TTC6: variants seen among roughly 807,000 people sequenced by gnomAD.
TTC6 encodes the protein tetratricopeptide repeat protein 6.
In TTC6, 172 loss-of-function variants were observed where a neutral mutation model predicts 210.4. The observed-to-expected ratio is 0.82, with a 90% CI of 0.72 to 0.93. The LOEUF (loss-of-function observed/expected upper bound fraction) is 0.93, where lower values mean the gene tolerates loss of function less well. Among genes scored for constraint, TTC6 ranks in the 40% least tolerant of loss-of-function variants. The probability of loss-of-function intolerance (pLI) is 0.00; values close to 1 mark genes in which losing one functional copy is unlikely to be tolerated. For missense variants in TTC6, 2,414 were observed against 2,318.1 expected (o/e 1.04, Z -0.85); for synonymous variants, 804 against 819.6 (o/e 0.98, Z 0.32).
At chr14:37,784,214 A>G (rs547973536) in intron 14 of TTC6, among the ~76,000 whole-genome samples, 3 of 152,146 alleles carry the variant, frequency 2.0e-5, no homozygotes, top group Admixed American at 1.3e-4. Flanking sequence ...TAATGTTGAC[A>G]GTGGGGTGTT....
intron 10 of TTC6, among the ~76,000 whole-genome samples, chr14:37,740,420 A>C (rs1016730431): frequency 6.6e-6 from 1 of 152,224 alleles, no homozygotes; most frequent in Admixed American, 6.5e-5. Flanking sequence ...ATCCCCAGAC[A>C]TCACAAAATT....
intron 1 of TTC6, among the ~76,000 whole-genome samples, chr14:37,624,348 C>G (rs749772208): frequency 5.9e-5 from 9 of 152,128 alleles, no homozygotes; most frequent in Non-Finnish European, 1.3e-4. Context: ...AGAGCCTTAG[C>G]AAAGAGAAGA....
chr14:37,705,338 T>C (rs1464182109), intron 5 of TTC6, among the ~76,000 whole-genome samples: 4 of 152,100 alleles, frequency 2.6e-5, no homozygotes, highest in Non-Finnish European at 5.9e-5. Context: ...TTGATTATTT[T>C]TTTACAAAAA....
chr14:37,685,823 G>C (rs2095792650), intron 3 of TTC6, among the ~76,000 whole-genome samples: 1 of 152,158 alleles, frequency 6.6e-6, no homozygotes, highest in Non-Finnish European at 1.5e-5. Flanking sequence ...AATGCCTGGA[G>C]AGTGGCAACT....
At chr14:37,805,416 G>C (rs1164753365) in intron 21 of TTC6, among the ~76,000 whole-genome samples, 5 of 146,412 alleles carry the variant, frequency 3.4e-5, no homozygotes, top group Admixed American at 6.8e-5. Context: ...TCTATCTCAA[G>C]ACACACACAC....
At chr14:37,644,636 GC>G (rs2095698344) in intron 1 of TTC6, among the ~76,000 whole-genome samples, 1 of 152,172 alleles carries the variant, frequency 6.6e-6, no homozygotes, top group African/African-American at 2.4e-5. Context: ...GGTCTCTATG[GC>G]GATACACCTT....
chr14:37,820,589 T>C (rs941841242), intron 26 of TTC6, among the ~76,000 whole-genome samples: 2 of 152,118 alleles, frequency 1.3e-5, no homozygotes, highest in Admixed American at 6.5e-5. Flanking sequence ...GGGGCCAGGG[T>C]GTATGATGCA....
chr14:37,656,845 C>T (rs1037072066), intron 1 of TTC6, among the ~76,000 whole-genome samples: 1 of 152,058 alleles, frequency 6.6e-6, no homozygotes, highest in East Asian at 1.9e-4. Context: ...CTGCAAGGAA[C>T]TAGGGGTGGT....
chr14:37,800,396 A>C (rs2096103634), intron 20 of TTC6, among the ~76,000 whole-genome samples: 1 of 152,310 alleles, frequency 6.6e-6, no homozygotes, highest in South Asian at 2.1e-4. Flanking sequence ...AAAGTGTGAG[A>C]AAGGAGAGAT....
chr14:37,834,576 A>G (rs376474643), intron 29 of TTC6, among the ~76,000 whole-genome samples: 7 of 152,188 alleles, frequency 4.6e-5, no homozygotes, highest in African/African-American at 1.2e-4. Flanking sequence ...CATCTAAATC[A>G]TGAAGTTTTT....
intron 14 of TTC6, among the ~76,000 whole-genome samples, chr14:37,761,999 C>G (rs1239033204): frequency 6.6e-6 from 1 of 152,190 alleles, no homozygotes; most frequent in African/African-American, 2.4e-5. Context: ...CACCCAACCT[C>G]TAATAACCAG....
At chr14:37,720,130 C>G (rs2095859026) in intron 6 of TTC6, among the ~76,000 whole-genome samples, 1 of 152,032 alleles carries the variant, frequency 6.6e-6, no homozygotes, top group Non-Finnish European at 1.5e-5. Flanking sequence ...CAAATTAAAA[C>G]CACCATAAGA....
Position 37,710,895 on chromosome 14 carries a change from G to A in TTC6, c.1572-3760G>A, listed in dbSNP as rs143363844. On this transcript the variant is annotated intron_variant, in intron 5 of 30. Transcript: ENST00000553443. Reference sequence around the variant, plus strand: ...AAGGTGTAGATTTGATTTCATCCCAGGATATTCTTATGATTAGGCTGTTTT... The same window carrying A: ...AAGGTGTAGATTTGATTTCATCCCAAGATATTCTTATGATTAGGCTGTTTT... Among the ~76,000 whole-genome samples the A allele has an allele frequency of 4.6e-5, 7 of 151,700 alleles. No individual in the cohort carries two copies. In the East Asian group the frequency reaches 1.4e-3, roughly 30 times the overall value.
intron 10 of TTC6, among the ~76,000 whole-genome samples, chr14:37,739,926 G>A (rs891779465): frequency 6.6e-6 from 1 of 152,048 alleles, no homozygotes; most frequent in African/African-American, 2.4e-5. Context: ...CACTTTGGGA[G>A]GCTGAGGCGG....
chr14:37,632,108 T>C (rs1482139478), intron 1 of TTC6, among the ~76,000 whole-genome samples: 2 of 152,228 alleles, frequency 1.3e-5, no homozygotes, highest in African/African-American at 2.4e-5. Context: ...TTCTGAAGCC[T>C]ACTTCTGCCA....
At chr14:37,620,056 G>A (rs2095648846), upstream of TTC6, among the ~76,000 whole-genome samples, 1 of 151,958 alleles carries the variant, frequency 6.6e-6, no homozygotes, top group Non-Finnish European at 1.5e-5. Context: ...TTAGGTTTAT[G>A]CCTAGATACT....
intron 2 of TTC6, among the ~76,000 whole-genome samples, chr14:37,614,774 T>G (rs2095640024): frequency 6.6e-6 from 1 of 152,134 alleles, no homozygotes; most frequent in Admixed American, 6.5e-5. Flanking sequence ...TGAGACAGAG[T>G]CTTGCTGTGT....
chr14:37,658,436 G>A (rs1326488458), intron 1 of TTC6, among the ~76,000 whole-genome samples: 1 of 152,154 alleles, frequency 6.6e-6, no homozygotes, highest in African/African-American at 2.4e-5. Context: ...GTGTGAGGTG[G>A]TGGGGGCCTG....
At chr14:37,723,366 G>A (rs1374192809) in intron 6 of TTC6, among the ~76,000 whole-genome samples, 2 of 152,104 alleles carry the variant, frequency 1.3e-5, no homozygotes, top group Non-Finnish European at 2.9e-5. Context: ...TCAAAGCAAG[G>A]AAATATATGT....
Sources: gnomAD v4.1 joint callset for allele counts (sites outside exome capture counted in the v4.1 genomes callset) on GRCh38, gnomAD v4.1.1 for gene constraint, MANE v1.5 for transcripts, NCBI Gene and HGNC (gene_info 2026-07-23, HGNC 2026-07-21) for gene names.